Variants in KLRG1 observed in about 807,000 individuals in gnomAD.
KLRG1 encodes the protein killer cell lectin-like receptor subfamily G member 1.
Under a neutral mutation model 21.8 loss-of-function variants are expected in KLRG1, and 16 were observed. That is an observed-to-expected ratio of 0.73 (90% CI 0.50 to 1.11). KLRG1 has a LOEUF of 1.11. Ranked by LOEUF, KLRG1 falls within the 50% of genes most tolerant of loss-of-function variation. The pLI is 0.00. For missense variants in KLRG1, 173 were observed against 218.3 expected (o/e 0.79, Z 1.31); for synonymous variants, 69 against 75.9 (o/e 0.91, Z 0.47).
chr12:9,004,759 G>A (rs1947418103), intron 3 of KLRG1, among the ~76,000 whole-genome samples: 1 of 152,172 alleles, frequency 6.6e-6, no homozygotes, highest in African/African-American at 2.4e-5. Flanking sequence ...GGTATTACAG[G>A]CAGGAGCCAC....
the KLRG1 span, chr12:9,164,188 A>T: frequency 6.2e-7 from 1 of 1,610,050 alleles, no homozygotes; most frequent in Admixed American, 1.7e-5. Context: ...TTCCACAGAT[A>T]CAATAGGATT....
At chr12:9,214,442 T>C in the KLRG1 span, among the ~76,000 whole-genome samples, 8 of 152,054 alleles carry the variant, frequency 5.3e-5, no homozygotes, top group Non-Finnish European at 1.2e-4. Context: ...GTTATCTTTA[T>C]CCGATTAAGT....
At chr12:9,070,510 G>C in the KLRG1 span, 1 of 1,613,416 alleles carries the variant, frequency 6.2e-7, no homozygotes, top group Non-Finnish European at 8.5e-7. Context: ...TGGCTTCAGG[G>C]GAATGAAGCC....
chr12:9,083,054 A>G, the KLRG1 span, among the ~76,000 whole-genome samples: 1 of 152,156 alleles, frequency 6.6e-6, no homozygotes, highest in East Asian at 1.9e-4. Flanking sequence ...AAGTGTTCCT[A>G]TTTCTCCACA....
At chr12:8,984,044 T>C (rs761367034) in intron 1 of KLRG1, among the ~76,000 whole-genome samples, 3 of 152,304 alleles carry the variant, frequency 2.0e-5, no homozygotes, top group Non-Finnish European at 4.4e-5. Context: ...ACTTTTGTTA[T>C]ACTATTTGGC....
the KLRG1 span, among the ~76,000 whole-genome samples, chr12:9,075,024 C>T: frequency 3.9e-5 from 6 of 152,034 alleles, no homozygotes; most frequent in Non-Finnish European, 8.8e-5. Flanking sequence ...TTGCTATAGT[C>T]GGGTTGGTGG....
At chr12:9,176,275 C>T in the KLRG1 span, among the ~76,000 whole-genome samples, 1 of 152,020 alleles carries the variant, frequency 6.6e-6, no homozygotes, top group Non-Finnish European at 1.5e-5. Context: ...CATGGGGGAA[C>T]AACACTCACT....
intron 1 of KLRG1, among the ~76,000 whole-genome samples, chr12:8,978,660 CTTTCTTTCT>C (rs1946701481): frequency 1.5e-5 from 2 of 129,424 alleles, no homozygotes. Flanking sequence ...TTCTTTCTTT[CTTTCTTTCT>C]TTCTTTCTTT....
At chr12:8,977,045 C>G (rs1946668126) in intron 1 of KLRG1, among the ~76,000 whole-genome samples, 1 of 152,064 alleles carries the variant, frequency 6.6e-6, no homozygotes, top group South Asian at 2.1e-4. Flanking sequence ...GCCACTGCAC[C>G]CATCCTCAAA....
the KLRG1 span, chr12:9,157,781 G>A: frequency 6.2e-7 from 1 of 1,613,940 alleles, no homozygotes. Flanking sequence ...ACTGGGAGAG[G>A]AATTTCCAGA....
At chr12:8,965,020 G>A (rs982746346) in intron 1 of KLRG1, among the ~76,000 whole-genome samples, 12 of 152,286 alleles carry the variant, frequency 7.9e-5, no homozygotes, top group Middle Eastern at 3.4e-3. Context: ...TGGGATGCAA[G>A]GCTGGTTCAA....
At chr12:9,114,040 A>G in the KLRG1 span, among the ~76,000 whole-genome samples, 4 of 152,206 alleles carry the variant, frequency 2.6e-5, no homozygotes, top group African/African-American at 9.6e-5. Flanking sequence ...CTCCACAGAT[A>G]TGGAATCTGA....
At chr12:8,987,771 ATCAGT>A (rs974733066), upstream of KLRG1, among the ~76,000 whole-genome samples, 2 of 152,072 alleles carry the variant, frequency 1.3e-5, no homozygotes, top group Non-Finnish European at 2.9e-5. Context: ...TCATTTTGTG[ATCAGT>A]TCATTTCACT....
chr12:9,151,725 G>T, the KLRG1 span: 5 of 1,428,720 alleles, frequency 3.5e-6, no homozygotes, highest in Admixed American at 8.6e-5. Flanking sequence ...TGTGAGAATG[G>T]TGTGAGATCT....
chr12:9,050,558 CG>C, the KLRG1 span, among the ~76,000 whole-genome samples: 1 of 151,958 alleles, frequency 6.6e-6, no homozygotes, highest in South Asian at 2.1e-4. Context: ...GCAGGAGCCC[CG>C]TCCTCCTGGG....
chr12:9,080,860 T>G, the KLRG1 span, among the ~76,000 whole-genome samples: 84 of 152,210 alleles, frequency 5.5e-4, no homozygotes, highest in African/African-American at 1.9e-3. Flanking sequence ...AAATTCATAT[T>G]AAAATGTTTC....
At chr12:9,039,792 A>G in the KLRG1 span, among the ~76,000 whole-genome samples, 1 of 152,340 alleles carries the variant, frequency 6.6e-6, no homozygotes, top group East Asian at 1.9e-4. Context: ...AAATTTGTGC[A>G]TTCTTTTGAT....
chr12:9,028,764 C>T, the KLRG1 span: 35 of 578,060 alleles, frequency 6.1e-5, no homozygotes, highest in Non-Finnish European at 1.7e-5. Context: ...TTAATGCCAT[C>T]AACAAACATA....
At chr12:8,971,289 C>A (rs993515680) in intron 1 of KLRG1, 5 of 151,106 alleles carry the variant, frequency 3.3e-5, no homozygotes, top group Admixed American at 2.0e-4. Flanking sequence ...AAATTTATTT[C>A]TTTTTGTGTC....
Sources: gnomAD v4.1 joint callset for allele counts (sites outside exome capture counted in the v4.1 genomes callset) on GRCh38, gnomAD v4.1.1 for gene constraint, MANE v1.5 for transcripts, NCBI Gene and HGNC (gene_info 2026-07-23, HGNC 2026-07-21) for gene names.